MAMDC2: variants seen among roughly 807,000 people sequenced by gnomAD.
MAMDC2 encodes MAM domain containing 2.
MAMDC2 carries 57 observed loss-of-function variants against 89.8 expected under a neutral mutation model. The observed-to-expected ratio is 0.63, with a 90% CI of 0.51 to 0.79. MAMDC2 has a LOEUF of 0.79. Ranked by LOEUF, MAMDC2 falls within the 30% of genes least tolerant of loss-of-function variation. The probability of loss-of-function intolerance (pLI) is 0.00; values close to 1 mark genes in which losing one functional copy is unlikely to be tolerated. For synonymous variants in MAMDC2, 313 were observed against 293.4 expected (o/e 1.07, Z -0.68); for missense variants, 800 against 820.6 (o/e 0.97, Z 0.31).
chr9:70,121,809 A>G (rs1010233632), intron 5 of MAMDC2, among the ~76,000 whole-genome samples: 10 of 152,016 alleles, frequency 6.6e-5, no homozygotes, highest in African/African-American at 2.4e-4. Flanking sequence ...AGGCAGGAAG[A>G]TTCTCCTAAT....
intron 2 of MAMDC2, among the ~76,000 whole-genome samples, chr9:70,100,749 C>T (rs893285777): frequency 1.2e-4 from 19 of 152,144 alleles, no homozygotes; most frequent in Admixed American, 3.3e-4. Context: ...TAGACTTTAA[C>T]GTCAAAGGGC....
intron 11 of MAMDC2, among the ~76,000 whole-genome samples, chr9:70,199,214 C>T (rs2033044757): frequency 2.4e-5 from 1 of 41,564 alleles, no homozygotes; most frequent in African/African-American, 7.1e-5. Flanking sequence ...CCCCACCCCA[C>T]CACAGTCCCC....
At chr9:70,066,199 C>T (rs73460527) in intron 2 of MAMDC2, among the ~76,000 whole-genome samples, 5,171 of 152,158 alleles carry the variant, frequency 0.034, 259 homozygotes, top group African/African-American at 0.11. Flanking sequence ...ATGGGGCAGC[C>T]AGACATGCGA....
At chr9:70,046,847 G>A (rs1470102891) in intron 2 of MAMDC2, among the ~76,000 whole-genome samples, 1 of 152,224 alleles carries the variant, frequency 6.6e-6, no homozygotes, top group African/African-American at 2.4e-5. Flanking sequence ...GGAGCAGGCA[G>A]GTTAGGCTCC....
At chr9:70,197,808 T>C (rs990657417) in intron 11 of MAMDC2, among the ~76,000 whole-genome samples, 1 of 152,096 alleles carries the variant, frequency 6.6e-6, no homozygotes, top group East Asian at 1.9e-4. Flanking sequence ...GCCATCCACA[T>C]CGTCATAGCT....
intron 9 of MAMDC2, among the ~76,000 whole-genome samples, chr9:70,158,667 A>G (rs2031854338): frequency 6.6e-6 from 1 of 152,104 alleles, no homozygotes; most frequent in Non-Finnish European, 1.5e-5. Flanking sequence ...ATATACAGTC[A>G]TGTATCACTT....
chr9:70,091,882 T>G (rs1288729526), intron 2 of MAMDC2, among the ~76,000 whole-genome samples: 1 of 152,224 alleles, frequency 6.6e-6, no homozygotes, highest in Non-Finnish European at 1.5e-5. Context: ...TTTACTGTGA[T>G]TTATTTCTCA....
chr9:70,067,751 A>G (rs888214933), intron 2 of MAMDC2, among the ~76,000 whole-genome samples: 3 of 152,198 alleles, frequency 2.0e-5, no homozygotes, highest in African/African-American at 7.2e-5. Flanking sequence ...AGAAAATCAC[A>G]TTGTTTATGA....
rs142407306 is a variant in MAMDC2, at chr9:70,143,614, A to T, written c.1199A>T (p.Tyr400Phe). The T allele has an allele frequency of 1.0e-4, 163 of 1,614,134 alleles. 2 individuals carry two copies. In the Middle Eastern group the frequency reaches 6.9e-3, roughly 69 times the overall value. The change falls in exon 9 of 14, where the codon TAT becomes TTT. Residue 400 changes from tyrosine (Y) to phenylalanine (F), a missense_variant. Tyr to Phe is a conservative substitution (Grantham distance 22). Coordinates refer to ENST00000377182, the MANE Select transcript of MAMDC2 (RefSeq NM_153267.5). The stretch of plus-strand genomic sequence containing the variant: ...CAGCCTGGCTACATTGGAAGGCTCT[A>T]TGGGCCCTCCCTACCAGGAAACTTG... Reference protein sequence around the residue: ...TSQPGYIGRLYGPSLPGNLQY... With the variant: ...TSQPGYIGRLFGPSLPGNLQY...
chr9:70,045,167 G>A (rs187344322), intron 2 of MAMDC2, among the ~76,000 whole-genome samples: 10 of 152,334 alleles, frequency 6.6e-5, no homozygotes, highest in Admixed American at 2.0e-4. Context: ...AAGACATCAC[G>A]TCTGCCTTGA....
chr9:70,112,579 T>G (rs3015221), intron 4 of MAMDC2, among the ~76,000 whole-genome samples: 3,289 of 152,156 alleles, frequency 0.022, 125 homozygotes, highest in African/African-American at 0.076. Flanking sequence ...CCTGAACAGC[T>G]CTTTGAGACA....
At chr9:70,109,436 G>A in intron 3 of MAMDC2, 1 of 357,920 alleles carries the variant, frequency 2.8e-6, no homozygotes, top group Non-Finnish European at 5.0e-6. Context: ...GGGATAGCAA[G>A]AGAAGAAAAG....
intron 2 of MAMDC2, among the ~76,000 whole-genome samples, chr9:70,099,660 G>C (rs1387471517): frequency 6.6e-6 from 1 of 152,108 alleles, no homozygotes; most frequent in Non-Finnish European, 1.5e-5. Flanking sequence ...CTTCTACATA[G>C]GGGGCAGAAG....
At chr9:70,216,576 A>T (rs541314324) in intron 11 of MAMDC2, among the ~76,000 whole-genome samples, 1 of 152,194 alleles carries the variant, frequency 6.6e-6, no homozygotes, top group East Asian at 1.9e-4. Flanking sequence ...GGGCTTCAAC[A>T]TATGAATTTG....
At chr9:70,216,058 C>G (rs2033440499) in intron 11 of MAMDC2, among the ~76,000 whole-genome samples, 1 of 152,172 alleles carries the variant, frequency 6.6e-6, no homozygotes. Flanking sequence ...AAACTTCAAA[C>G]TATAAAGAAA....
chr9:70,048,437 A>T (rs570085958), intron 2 of MAMDC2, among the ~76,000 whole-genome samples: 1 of 152,132 alleles, frequency 6.6e-6, no homozygotes, highest in East Asian at 1.9e-4. Flanking sequence ...CCATCTACTC[A>T]GGAGGCATGT....
At chr9:70,192,139 CCTTCCATTTTTT>C (rs2032892862) in intron 11 of MAMDC2, among the ~76,000 whole-genome samples, 2 of 152,072 alleles carry the variant, frequency 1.3e-5, no homozygotes, top group South Asian at 4.1e-4. Context: ...ATTTCACTGA[CCTTCCATTTTTT>C]CTTAGATCTT....
At chr9:70,074,070 C>A (rs1323074358) in intron 2 of MAMDC2, among the ~76,000 whole-genome samples, 2 of 152,180 alleles carry the variant, frequency 1.3e-5, no homozygotes, top group Non-Finnish European at 2.9e-5. Context: ...AAATCCTCTA[C>A]CCCAGGGTAA....
intron 11 of MAMDC2, among the ~76,000 whole-genome samples, chr9:70,202,941 A>G (rs1365043535): frequency 1.3e-5 from 2 of 150,826 alleles, no homozygotes; most frequent in Non-Finnish European, 3.0e-5. Flanking sequence ...TTTTGAGCCT[A>G]TGTGTGTCTC....
Sources: gnomAD v4.1 joint callset for allele counts (sites outside exome capture counted in the v4.1 genomes callset) on GRCh38, gnomAD v4.1.1 for gene constraint, MANE v1.5 for transcripts, NCBI Gene and HGNC (gene_info 2026-07-23, HGNC 2026-07-21) for gene names.